BIVM: variants seen among roughly 807,000 people sequenced by gnomAD.
The protein encoded by BIVM is basic immunoglobulin-like variable motif-containing protein.
Under a neutral mutation model 61.4 loss-of-function variants are expected in BIVM, and 31 were observed. The observed-to-expected ratio is 0.51, with a 90% confidence interval of 0.38 to 0.68. BIVM has a LOEUF of 0.68. BIVM is among the 30% of genes least tolerant of loss of function. The pLI, the probability that BIVM is intolerant of heterozygous loss-of-function variation, is 0.00. For missense variants in BIVM, 526 were observed against 596.0 expected (o/e 0.88, Z 1.22); for synonymous variants, 189 against 210.7 (o/e 0.90, Z 0.89).
At chr13:102,823,230 A>G (rs1880420183) in intron 7 of BIVM, among the ~76,000 whole-genome samples, 1 of 152,188 alleles carries the variant, frequency 6.6e-6, no homozygotes, top group African/African-American at 2.4e-5. Flanking sequence ...AATAGAGGGT[A>G]TATGGTTTAC....
At chr13:102,800,096 C>T (rs1289411182) in intron 1 of BIVM, among the ~76,000 whole-genome samples, 2 of 152,210 alleles carry the variant, frequency 1.3e-5, no homozygotes, top group African/African-American at 4.8e-5. Flanking sequence ...CCGGTGGCTC[C>T]GAGCCAAGGC....
rs1566444913 is a variant in BIVM, at chr13:102,807,718, G to T, written c.451G>T (p.Val151Leu). The T allele has an allele frequency of 6.2e-7, 1 of 1,612,116 alleles. No homozygotes were observed. Among genetic ancestry groups the T allele is most frequent in the Non-Finnish European group, 8.5e-7 (1 of 1,178,992 alleles). The change falls in exon 3 of 11, where the codon GTG (valine) becomes TTG (leucine). Residue 151 changes from valine (V) to leucine (L), a missense_variant. By Grantham distance (32) the Val-to-Leu change is conservative. Transcript: ENST00000257336. This position sits in a 1 kb window ranked among gnomAD's most constrained non-coding sequence, Gnocchi z 4.0. ...AATTGATAAATCTGAATTTGATGGG[G>T]TGACCACAAATTCGAAACACAAATC... Reference protein sequence around the residue: ...WEIDKSEFDGVTTNSKHKSGN... With the variant: ...WEIDKSEFDGLTTNSKHKSGN...
At chr13:102,808,353 G>A (rs886410790) in intron 3 of BIVM, among the ~76,000 whole-genome samples, 2 of 152,120 alleles carry the variant, frequency 1.3e-5, no homozygotes, top group South Asian at 2.1e-4. Flanking sequence ...TATGAGGCAG[G>A]TACTGTTAGC....
chr13:102,811,078 C>T (rs1049542176), intron 3 of BIVM, among the ~76,000 whole-genome samples: 5 of 152,314 alleles, frequency 3.3e-5, no homozygotes, highest in Non-Finnish European at 5.9e-5. Context: ...ATGTATTAGT[C>T]TCATAAATCA....
chr13:102,821,153 G>A, intron 5 of BIVM, 21 bp downstream of exon 5: 1 of 1,591,856 alleles, frequency 6.3e-7, no homozygotes, highest in Non-Finnish European at 8.5e-7. Context: ...CAATTTATCA[G>A]TACCCCCAAA....
At chr13:102,815,911 C>T (rs1281285776) in intron 3 of BIVM, among the ~76,000 whole-genome samples, 2 of 152,218 alleles carry the variant, frequency 1.3e-5, no homozygotes, top group East Asian at 1.9e-4. Flanking sequence ...TCGTCTCTGT[C>T]GGTCCAGAGA....
intron 7 of BIVM, among the ~76,000 whole-genome samples, chr13:102,831,294 A>T (rs780959694): frequency 6.6e-6 from 1 of 152,228 alleles, no homozygotes; most frequent in Non-Finnish European, 1.5e-5. Context: ...ATAGACAAGT[A>T]TGTGTGTTAT....
chr13:102,831,542 G>T (rs1327260378), intron 7 of BIVM, 23 bp from the exon 8 acceptor site: 6 of 1,613,628 alleles, frequency 3.7e-6, no homozygotes, highest in Non-Finnish European at 5.1e-6. Context: ...CTTTCAGTTT[G>T]TGTGTTTGTT....
intron 1 of BIVM, among the ~76,000 whole-genome samples, chr13:102,803,524 A>G (rs1015223528): frequency 2.6e-5 from 4 of 152,022 alleles, no homozygotes; most frequent in East Asian, 3.9e-4. Context: ...TCAAATCCCT[A>G]CACTGTCACA....
In BIVM at chr13:102,807,786, G is replaced by C. The variant is rs748144037; in HGVS notation, c.478+41G>C. 5 of 1,541,856 alleles carry C rather than the reference G, an allele frequency of 3.2e-6. No individual in the cohort carries two copies. Among genetic ancestry groups the C allele is most frequent in the Non-Finnish European group, 4.4e-6 (5 of 1,143,082 alleles). On this transcript the variant is annotated intron_variant, in intron 3 of 10. Transcript: ENST00000257336. The surrounding 1 kb of genome is among the most constrained non-coding windows in gnomAD (Gnocchi z 4.0). ...TGAAGTTCATATGTGAAAATAATGA[G>C]AAAACAAACACTATGTCTTGTTTAA...
At chr13:102,827,430 A>G (rs1255043748) in intron 7 of BIVM, among the ~76,000 whole-genome samples, 1 of 139,456 alleles carries the variant, frequency 7.2e-6, no homozygotes, top group Non-Finnish European at 1.5e-5. Context: ...GTTTTAATAT[A>G]TTTTTCAAGT....
At chr13:102,809,663 AT>A in intron 3 of BIVM, among the ~76,000 whole-genome samples, 1 of 152,348 alleles carries the variant, frequency 6.6e-6, no homozygotes, top group Non-Finnish European at 1.5e-5. Flanking sequence ...TACATGTCTA[AT>A]AACAGAAAAT....
chr13:102,835,411 C>T lies in BIVM; in HGVS notation c.1121+859C>T, dbSNP rs376309988. Among the ~76,000 whole-genome samples the T allele has an allele frequency of 4.6e-5, 7 of 152,264 alleles. No individual in the cohort carries two copies. The East Asian group carries it at 9.6e-4, about 21-fold the overall frequency. On this transcript the variant is annotated intron_variant, in intron 9 of 10. Transcript: ENST00000257336. ...TGCACCAATCACCACTATATAATTGCAGAACATTTTCATCACTCCAGAAAG... is the reference window on the plus strand; with the variant it reads ...TGCACCAATCACCACTATATAATTGTAGAACATTTTCATCACTCCAGAAAG...
intron 3 of BIVM, among the ~76,000 whole-genome samples, chr13:102,815,114 A>G (rs1052044152): frequency 1.3e-5 from 2 of 152,214 alleles, no homozygotes; most frequent in African/African-American, 4.8e-5. Context: ...TCTTGACTTT[A>G]TAGTCTTCAT....
chr13:102,841,382 G>A lies in BIVM; in HGVS notation c.*1517G>A, dbSNP rs1881779696. 1 of 152,530 alleles carries A rather than the reference G, an allele frequency of 6.6e-6. No homozygotes were observed. The highest frequency in any genetic ancestry group is 1.5e-5 in the Non-Finnish European group (1 of 68,026). The allele number at this position is 152,530 out of a possible 1,614,324, so 9.4% of individuals were successfully genotyped here. A position where few individuals can be genotyped will look rare whatever the true frequency, so the allele number is the denominator to read the frequency against. On this transcript the variant is annotated 3_prime_UTR_variant, in exon 11 of 11. Coordinates refer to ENST00000257336, the MANE Select transcript of BIVM (RefSeq NM_017693.4). The stretch of plus-strand genomic sequence containing the variant: ...CGTACATGCCTAGCCTACAGAAGGG[G>A]ATATATATTATGAAATGGTCATTTT...
Position 102,839,744 on chromosome 13 carries a change from G to A in BIVM, c.1391G>A (p.Arg464His), listed in dbSNP as rs570805001. 51 of 1,614,166 alleles carry A rather than the reference G, an allele frequency of 3.2e-5. No individual in the cohort carries two copies. Among genetic ancestry groups the A allele is most frequent in the Admixed American group, 1.0e-4 (6 of 60,022 alleles). Reference sequence around the variant, plus strand: ...AATATTTCCAAGAAGCAGCATGGGCGTCTGGGCCGGTCTTTCAGTGCTAGT... The same window carrying A: ...AATATTTCCAAGAAGCAGCATGGGCATCTGGGCCGGTCTTTCAGTGCTAGT... ...EDNISKKQHGRLGRSFSASFH... is the reference protein window; with the variant it reads ...EDNISKKQHGHLGRSFSASFH... The change falls in exon 11 of 11, where the codon CGT (arginine) becomes CAT (histidine). Residue 464 changes from arginine (R) to histidine (H), a missense_variant. Arg to His is a conservative substitution (Grantham distance 29). Transcript: ENST00000257336.
chr13:102,833,217 G>A (rs1349287555), intron 8 of BIVM, among the ~76,000 whole-genome samples: 1 of 151,648 alleles, frequency 6.6e-6, no homozygotes, highest in Non-Finnish European at 1.5e-5. Flanking sequence ...CTGGGCAACA[G>A]AGCGAGATCC....
chr13:102,814,950 A>G (rs1187627093), intron 3 of BIVM, among the ~76,000 whole-genome samples: 2 of 152,090 alleles, frequency 1.3e-5, no homozygotes, highest in Admixed American at 1.3e-4. Flanking sequence ...AGGCTGATGT[A>G]GGAGGATTGC....
chr13:102,803,538 A>G (rs1287486469), intron 1 of BIVM, among the ~76,000 whole-genome samples: 1 of 152,104 alleles, frequency 6.6e-6, no homozygotes, highest in Non-Finnish European at 1.5e-5. Flanking sequence ...TGTCACACAG[A>G]GAGCTGGTCC....
Sources: gnomAD v4.1 joint callset for allele counts (sites outside exome capture counted in the v4.1 genomes callset) on GRCh38, gnomAD v4.1.1 for gene constraint, Gnocchi (gnomAD v3.1) non-coding constraint, MANE v1.5 for transcripts, NCBI Gene and HGNC (gene_info 2026-07-23, HGNC 2026-07-21) for gene names.